PCDHGA4: variants seen among roughly 807,000 people sequenced by gnomAD.
PCDHGA4 encodes the protein protocadherin gamma-A4.
PCDHGA4 carries 38 observed loss-of-function variants against 54.6 expected under a neutral mutation model. That is an observed-to-expected ratio of 0.70 (90% CI 0.54 to 0.91). The LOEUF (loss-of-function observed/expected upper bound fraction) is 0.91, where lower values mean the gene tolerates loss of function less well. PCDHGA4 is among the 40% of genes least tolerant of loss of function. The pLI is 0.00. For missense variants in PCDHGA4, 1,298 were observed against 1,220.9 expected (o/e 1.06, Z -0.94); for synonymous variants, 511 against 512.9 (o/e 1.00, Z 0.05).
At chr5:141,444,865 G>A (rs1038923777) in intron 1 of PCDHGA4, among the ~76,000 whole-genome samples, 1 of 152,098 alleles carries the variant, frequency 6.6e-6, no homozygotes, top group Non-Finnish European at 1.5e-5. Flanking sequence ...TCTTACTACA[G>A]GACAAAGCTT....
chr5:141,388,432 A>G (rs760022375), intron 1 of PCDHGA4: 2 of 1,613,878 alleles, frequency 1.2e-6, no homozygotes, highest in Non-Finnish European at 8.5e-7. Context: ...CTGATAAATA[A>G]AGAGAAATCA....
chr5:141,389,234 C>A, intron 1 of PCDHGA4: 2 of 1,614,076 alleles, frequency 1.2e-6, no homozygotes, highest in Non-Finnish European at 1.7e-6. Context: ...CTCCGGTTTT[C>A]TCACAGTCTT....
In PCDHGA4 at chr5:141,356,111, T is replaced by TG. The variant is rs755507945; in HGVS notation, c.1010dup (p.Leu338SerfsTer4). The TG allele has an allele frequency of 2.6e-5, 42 of 1,613,700 alleles. No homozygotes were observed. Among genetic ancestry groups the TG allele is most frequent in the African/African-American group, 8.0e-5 (6 of 74,898 alleles). ...TCTCTGAGTGGGGATATAACAATAT[T>TG]GGGGGGTCTAGATTATGAGGACTCT... On this transcript the variant is annotated frameshift_variant, in exon 1 of 4. Coordinates refer to ENST00000571252, the MANE Select transcript of PCDHGA4 (RefSeq NM_018917.4). LOFTEE classifies it high-confidence loss of function.
intron 1 of PCDHGA4, among the ~76,000 whole-genome samples, chr5:141,446,621 C>G (rs1284919173): frequency 6.6e-6 from 1 of 152,094 alleles, no homozygotes; most frequent in African/African-American, 2.4e-5. Context: ...GGACTACAGG[C>G]GTGCACCACC....
intron 1 of PCDHGA4, among the ~76,000 whole-genome samples, chr5:141,429,387 T>TAA (rs11410533): frequency 2.6e-5 from 4 of 151,334 alleles, no homozygotes; most frequent in African/African-American, 4.9e-5. Flanking sequence ...GTTTTTTTTT[T>TAA]AAAAAAAATT....
At chr5:141,414,821 A>G (rs1321959107) in intron 1 of PCDHGA4, 1 of 1,614,226 alleles carries the variant, frequency 6.2e-7, no homozygotes, top group South Asian at 1.1e-5. Flanking sequence ...CTCAGCAGCA[A>G]CGTGTCGTTG....
chr5:141,370,171 C>T (rs1008611247), intron 1 of PCDHGA4: 18 of 460,518 alleles, frequency 3.9e-5, no homozygotes, highest in Middle Eastern at 5.5e-4. Flanking sequence ...GCAGAGGCGC[C>T]GGGTGCCGCT....
At chr5:141,470,015 G>C (rs999085849) in intron 1 of PCDHGA4, among the ~76,000 whole-genome samples, 1 of 152,130 alleles carries the variant, frequency 6.6e-6, no homozygotes, top group Non-Finnish European at 1.5e-5. Context: ...TGTAATCCCA[G>C]CTACTCGGGA....
chr5:141,358,540 G>C (rs191289773), intron 1 of PCDHGA4, among the ~76,000 whole-genome samples: 1 of 152,152 alleles, frequency 6.6e-6, no homozygotes, highest in Admixed American at 6.5e-5. Context: ...ATATTTTCTT[G>C]TTGCTGTTCT....
At position 141,465,539 on chromosome 5, in the gene PCDHGA4, T is replaced by C. The variant is rs2099105222; in HGVS notation, c.2515-29268T>C. On this transcript the variant is annotated intron_variant, in intron 1 of 3. Transcript: ENST00000571252. ...GATTCTGGGGAAGTTTTCCCAGGCA[T>C]TTTTTCTGCTGAAGCTTTGGTAACT... Among the ~76,000 whole-genome samples the C allele has an allele frequency of 2.0e-5, 3 of 152,178 alleles. No homozygotes were observed. In the South Asian group the frequency reaches 6.2e-4, roughly 32 times the overall value.
intron 1 of PCDHGA4, among the ~76,000 whole-genome samples, chr5:141,454,607 T>C (rs1207742002): frequency 6.6e-6 from 1 of 151,574 alleles, no homozygotes; most frequent in Non-Finnish European, 1.5e-5. Flanking sequence ...GGTTTCTCCA[T>C]GTTGGTCAGG....
chr5:141,372,452 G>A (rs757526253), intron 1 of PCDHGA4: 14 of 1,613,920 alleles, frequency 8.7e-6, no homozygotes, highest in East Asian at 6.7e-5. Flanking sequence ...ACCCTCAGGC[G>A]GAGCTACAGT....
intron 1 of PCDHGA4, chr5:141,383,187 C>T (rs572411306): frequency 6.2e-7 from 1 of 1,614,076 alleles, no homozygotes; most frequent in Non-Finnish European, 8.5e-7. Flanking sequence ...AAGAGATCTG[C>T]GCTCAGAGTG....
At chr5:141,372,346 A>G (rs781226207) in intron 1 of PCDHGA4, 1 of 1,613,714 alleles carries the variant, frequency 6.2e-7, no homozygotes, top group African/African-American at 1.3e-5. Flanking sequence ...GATGGAGGAC[A>G]GCAGCCTCTT....
rs914637211 is a variant in PCDHGA4, at chr5:141,422,245, G to C, written c.2514+64624G>C. The C allele has an allele frequency of 2.2e-5, 34 of 1,566,540 alleles. No individual in the cohort carries two copies. Among genetic ancestry groups the C allele is most frequent in the Non-Finnish European group, 2.8e-5 (32 of 1,162,588 alleles). On this transcript the variant is annotated intron_variant, in intron 1 of 3. Coordinates refer to ENST00000571252, the MANE Select transcript of PCDHGA4 (RefSeq NM_018917.4). ...CACGACGATGTTGATCACTGTTGTG[G>C]ATGTGAATGATAACGCTCCAGAAAT...
At chr5:141,480,178 C>T (rs143309515) in intron 1 of PCDHGA4, among the ~76,000 whole-genome samples, 346 of 150,752 alleles carry the variant, frequency 2.3e-3, no homozygotes, top group Non-Finnish European at 2.8e-3. Flanking sequence ...CTGAGGCAGG[C>T]GGATTGCTTG....
At chr5:141,478,870 G>A (rs1463992722) in intron 1 of PCDHGA4, 6 of 1,273,242 alleles carry the variant, frequency 4.7e-6, no homozygotes, top group Non-Finnish European at 5.2e-6. Flanking sequence ...AGCGATCAGA[G>A]TTTAGCTTGG....
At chr5:141,368,899 T>A (rs1765918002) in intron 1 of PCDHGA4, among the ~76,000 whole-genome samples, 1 of 152,202 alleles carries the variant, frequency 6.6e-6, no homozygotes, top group Admixed American at 6.5e-5. Context: ...ATTTTTGATG[T>A]TTGTATAAAG....
At chr5:141,376,522 G>C in intron 1 of PCDHGA4, 1 of 1,613,784 alleles carries the variant, frequency 6.2e-7, no homozygotes, top group Non-Finnish European at 8.5e-7. Context: ...GTTTCTTTCC[G>C]CCTAAGCGGG....
Sources: gnomAD v4.1 joint callset for allele counts (sites outside exome capture counted in the v4.1 genomes callset) on GRCh38, gnomAD v4.1.1 for gene constraint, MANE v1.5 for transcripts, NCBI Gene and HGNC (gene_info 2026-07-23, HGNC 2026-07-21) for gene names.